MSN: variants seen among roughly 807,000 people sequenced by gnomAD.
MSN encodes moesin, also known as epididymis luminal protein 70.
Under a neutral mutation model 48.0 loss-of-function variants are expected in MSN, and 2 were observed. The ratio of observed to expected loss-of-function variants is 0.04; its 90% confidence interval spans 0.02 to 0.13. The LOEUF is 0.13. Among genes scored for constraint, MSN ranks in the 10% least tolerant of loss-of-function variants. The pLI is 1.00. For missense variants in MSN, 267 were observed against 470.1 expected (o/e 0.57, Z 3.99); for synonymous variants, 146 against 166.9 (o/e 0.87, Z 0.97).
intron 1 of MSN, among the ~76,000 whole-genome samples, chrX:65,698,785 A>G (rs1233847607): frequency 8.9e-6 from 1 of 112,357 alleles, no homozygotes; most frequent in African/African-American, 3.2e-5. Context: ...ACCTTTGCTC[A>G]TGCTGGTCTC....
intron 1 of MSN, among the ~76,000 whole-genome samples, chrX:65,603,395 A>G (rs753565992): frequency 1.8e-5 from 2 of 111,697 alleles, no homozygotes; most frequent in East Asian, 5.6e-4. Flanking sequence ...TAAGGTCGGT[A>G]GTAGGGGTAG....
chrX:65,624,745 C>T (rs2070488507), intron 1 of MSN: 1 of 100,325 alleles, frequency 1.0e-5, no homozygotes, highest in Non-Finnish European at 2.0e-5. Flanking sequence ...AAGATCGCAC[C>T]ACTGCACTCC....
chrX:65,603,810 C>A (rs986484819), intron 1 of MSN, among the ~76,000 whole-genome samples: 3 of 111,229 alleles, frequency 2.7e-5, no homozygotes, highest in Non-Finnish European at 3.8e-5. Flanking sequence ...GTGATCCAGG[C>A]AAAAAGTGAG....
At chrX:65,609,467 A>G (rs1376719282) in intron 1 of MSN, among the ~76,000 whole-genome samples, 4 of 111,482 alleles carry the variant, frequency 3.6e-5, no homozygotes, top group African/African-American at 1.3e-4. Context: ...GAACTTGATC[A>G]CATATAAAGC....
At chrX:65,694,068 C>CA (rs1160856875) in intron 1 of MSN, among the ~76,000 whole-genome samples, 1 of 98,704 alleles carries the variant, frequency 1.0e-5, no homozygotes, top group African/African-American at 3.8e-5. Flanking sequence ...AACACACAAA[C>CA]AAAAAACAAA....
chrX:65,627,734 T>C, intron 1 of MSN, among the ~76,000 whole-genome samples: 2 of 111,500 alleles, frequency 1.8e-5, no homozygotes. Context: ...TCTTAACTCA[T>C]TTCAGCATTA....
At chrX:65,690,352 T>A (rs778200510) in intron 1 of MSN, among the ~76,000 whole-genome samples, 6 of 111,314 alleles carry the variant, frequency 5.4e-5, no homozygotes, top group African/African-American at 9.8e-5. Context: ...CTTCTAACAG[T>A]TCAATTGGAC....
chrX:65,588,410 C>G lies in MSN; in HGVS notation c.-224C>G, dbSNP rs1053199545. The G allele has an allele frequency of 2.2e-5, 6 of 270,603 alleles. No homozygotes were observed. The East Asian group carries it at 5.5e-4, about 25-fold the overall frequency. 22.3% of individuals were successfully genotyped at this position (270,603 alleles called of 1,213,427 possible). A position where few individuals can be genotyped will look rare whatever the true frequency, so the allele number is the denominator to read the frequency against. On this transcript the variant is annotated 5_prime_UTR_variant, in exon 1 of 4. Coordinates refer to the MSN transcript ENST00000609672. Reference sequence around the variant, plus strand: ...GGCCACAGCAGGAAGAAGAGGCGCCCGGAAAACCTTAGCTCTTGGCTATCT... The same window carrying G: ...GGCCACAGCAGGAAGAAGAGGCGCCGGGAAAACCTTAGCTCTTGGCTATCT...
intron 1 of MSN, among the ~76,000 whole-genome samples, chrX:65,649,191 T>C (rs1192064240): frequency 2.8e-5 from 3 of 107,373 alleles, no homozygotes; most frequent in East Asian, 5.8e-4. Flanking sequence ...ATGGGTCCAA[T>C]GTGTACAACC....
In MSN at chrX:65,741,463, C is replaced by G. The variant is rs1349030070; in HGVS notation, c.*1570C>G. 6.0e-6 allele frequency: 1 copy of G among 166,480 alleles called. No homozygotes were observed. The highest frequency in any genetic ancestry group is 1.2e-5 in the Non-Finnish European group (1 of 86,620). 13.7% of individuals were successfully genotyped at this position (166,480 alleles called of 1,213,427 possible). ...TTGCCAAAATTATTAATATAAGAAGCTTTCAGTATTAGTGATGTCATCTGT... is the reference window on the plus strand; with the variant it reads ...TTGCCAAAATTATTAATATAAGAAGGTTTCAGTATTAGTGATGTCATCTGT... On this transcript the variant is annotated 3_prime_UTR_variant, in exon 13 of 13. Coordinates refer to ENST00000360270, the MANE Select transcript of MSN (RefSeq NM_002444.3).
chrX:65,670,056 A>G (rs1333897559), intron 1 of MSN, among the ~76,000 whole-genome samples: 1 of 111,588 alleles, frequency 9.0e-6, no homozygotes, highest in Non-Finnish European at 1.9e-5. Flanking sequence ...GTCCTCAGAT[A>G]AAAGGAAATG....
chrX:65,648,714 T>C (rs1025842474), intron 1 of MSN, among the ~76,000 whole-genome samples: 29 of 108,429 alleles, frequency 2.7e-4, no homozygotes, highest in Admixed American at 7.0e-4. Flanking sequence ...CTACTAAAAA[T>C]TAGCCAGGCG....
chrX:65,591,403 C>G (rs151310267), intron 1 of MSN, among the ~76,000 whole-genome samples: 7,472 of 111,911 alleles, frequency 0.067, 232 homozygotes, highest in Non-Finnish European at 0.1. Flanking sequence ...ACAGCCACTG[C>G]AGGCATGTGC....
At chrX:65,626,115 C>A (rs1413525467) in intron 1 of MSN, among the ~76,000 whole-genome samples, 1 of 110,281 alleles carries the variant, frequency 9.1e-6, no homozygotes, top group Non-Finnish European at 1.9e-5. Flanking sequence ...CCACCATGCC[C>A]GGCTAATTTT....
chrX:65,605,498 AC>A (rs766596812), intron 1 of MSN, among the ~76,000 whole-genome samples: 10 of 112,005 alleles, frequency 8.9e-5, no homozygotes, highest in Middle Eastern at 4.2e-3. Flanking sequence ...CTTGCCCCCT[AC>A]AACCCATTCT....
chrX:65,676,790 G>C (rs987338904), intron 1 of MSN, among the ~76,000 whole-genome samples: 2 of 110,236 alleles, frequency 1.8e-5, no homozygotes, highest in African/African-American at 6.6e-5. Flanking sequence ...GATCTAATCT[G>C]CCTTCCCTCC....
intron 1 of MSN, among the ~76,000 whole-genome samples, chrX:65,611,709 A>T (rs1340449773): frequency 3.6e-5 from 4 of 111,599 alleles, no homozygotes; most frequent in African/African-American, 1.3e-4. Context: ...CCCTGCTTTC[A>T]ATTACTTTGA....
upstream of MSN, among the ~76,000 whole-genome samples, chrX:65,665,800 A>G (rs1324990470): frequency 9.0e-6 from 1 of 111,588 alleles, no homozygotes; most frequent in African/African-American, 3.3e-5. Context: ...CCAAGGCCAC[A>G]TAGTGGTCAT....
At chrX:65,606,225 G>A (rs1456503504) in intron 1 of MSN, among the ~76,000 whole-genome samples, 2 of 109,185 alleles carry the variant, frequency 1.8e-5, no homozygotes, top group Non-Finnish European at 3.8e-5. Context: ...CGCCTCCTGG[G>A]TTCAAGCAAT....
Sources: gnomAD v4.1 joint callset for allele counts (sites outside exome capture counted in the v4.1 genomes callset) on GRCh38, gnomAD v4.1.1 for gene constraint, MANE v1.5 for transcripts, NCBI Gene and HGNC (gene_info 2026-07-23, HGNC 2026-07-21) for gene names.